Variants in TERB1 observed in about 807,000 individuals in gnomAD.
The protein encoded by TERB1 is telomere repeats-binding bouquet formation protein 1.
In TERB1, 63 loss-of-function variants were observed where a neutral mutation model predicts 92.3. The observed-to-expected ratio is 0.68, with a 90% CI of 0.56 to 0.84. The LOEUF (loss-of-function observed/expected upper bound fraction) is 0.84. TERB1 is among the 40% of genes least tolerant of loss of function. The probability of loss-of-function intolerance (pLI) is 0.00; values close to 1 mark genes in which losing one functional copy is unlikely to be tolerated. For missense variants in TERB1, 709 were observed against 843.7 expected (o/e 0.84, Z 1.98); for synonymous variants, 252 against 283.9 (o/e 0.89, Z 1.13).
chr16:66,790,334 G>A (rs2018808861), intron 5 of TERB1, among the ~76,000 whole-genome samples: 1 of 138,138 alleles, frequency 7.2e-6, no homozygotes, highest in Non-Finnish European at 1.5e-5. Flanking sequence ...GGGAAGGGAA[G>A]AGAAAAGAAA....
intron 9 of TERB1, among the ~76,000 whole-genome samples, chr16:66,780,895 T>C (rs1451861243): frequency 2.0e-5 from 3 of 152,230 alleles, no homozygotes; most frequent in Admixed American, 2.0e-4. Context: ...TTTCAAACAC[T>C]TGAATATAGA....
chr16:66,762,976 C>T (rs1433071246), intron 16 of TERB1, among the ~76,000 whole-genome samples: 3 of 152,132 alleles, frequency 2.0e-5, no homozygotes, highest in Non-Finnish European at 4.4e-5. Context: ...GCTACCACCA[C>T]ACCCGGCCAG....
intron 3 of TERB1, 105 bp from the exon 4 acceptor site, chr16:66,791,124 A>G (rs2018827252): frequency 1.8e-6 from 1 of 556,992 alleles, no homozygotes; most frequent in Non-Finnish European, 3.1e-6. Context: ...GTCAACTTTT[A>G]AAGTAATAGG....
chr16:66,776,759 G>A (rs577360198), intron 11 of TERB1, among the ~76,000 whole-genome samples: 2 of 152,118 alleles, frequency 1.3e-5, no homozygotes, highest in South Asian at 4.2e-4. Context: ...AGAGAGAGGA[G>A]ACAGTAATAG....
intron 11 of TERB1, among the ~76,000 whole-genome samples, chr16:66,776,571 G>A (rs1567471945): frequency 6.6e-6 from 1 of 151,892 alleles, no homozygotes; most frequent in African/African-American, 2.4e-5. Flanking sequence ...GAAGAAGCAA[G>A]AGAGAGCAAA....
At chr16:66,777,144 C>A (rs976255389) in intron 11 of TERB1, 59 bp downstream of exon 11, 157 of 1,335,714 alleles carry the variant, frequency 1.2e-4, no homozygotes, top group South Asian at 1.5e-4. Context: ...AAAAAAAAAA[C>A]AGAAGTATAT....
chr16:66,790,458 G>C (rs976033427), intron 5 of TERB1, 137 bp downstream of exon 5: 17 of 561,778 alleles, frequency 3.0e-5, no homozygotes, highest in Non-Finnish European at 4.7e-5. Context: ...AGGAAGGGAG[G>C]GGGGAAGGAG....
At chr16:66,798,847 AT>A (rs1490137595) in intron 2 of TERB1, among the ~76,000 whole-genome samples, 1 of 152,224 alleles carries the variant, frequency 6.6e-6, no homozygotes, top group Admixed American at 6.5e-5. Context: ...CCTTATGAAT[AT>A]TCTTTTTAGT....
chr16:66,794,947 AAT>A (rs2018905428), intron 3 of TERB1, among the ~76,000 whole-genome samples: 1 of 152,010 alleles, frequency 6.6e-6, no homozygotes, highest in African/African-American at 2.4e-5. Flanking sequence ...ACACACACAC[AAT>A]CAAATAAAAT....
intron 18 of TERB1, among the ~76,000 whole-genome samples, chr16:66,755,746 G>T (rs1416281762): frequency 6.6e-6 from 1 of 152,124 alleles, no homozygotes; most frequent in East Asian, 1.9e-4. Context: ...CTGCACTCCA[G>T]CCTGGGCGAC....
At chr16:66,791,749 A>T (rs1262955655) in intron 3 of TERB1, among the ~76,000 whole-genome samples, 11 of 152,148 alleles carry the variant, frequency 7.2e-5, no homozygotes. Context: ...CAAGAAGAAA[A>T]AGACAACTTG....
chr16:66,760,466 AAAAAG>A (rs1369613603), intron 16 of TERB1, among the ~76,000 whole-genome samples: 153 of 71,350 alleles, frequency 2.1e-3, no homozygotes, highest in Admixed American at 4.2e-3. Flanking sequence ...CAAAAAAAAA[AAAAAG>A]AAAAGAAAAG....
At position 66,786,036 on chromosome 16, in the gene TERB1, GACACACAGAGTACT is replaced by G; in HGVS notation, c.541_554del (p.Ser181LeufsTer8). On this transcript the variant is annotated frameshift_variant, in exon 8 of 19. Transcript: ENST00000433154. LOFTEE classifies it high-confidence loss of function. ...TACCATTTTGAGGATTGTTGACACA[GACACACAGAGTACT>G]ACACACTGAAGACCACAACTGATAA... 1 of 1,549,740 alleles carries G rather than the reference GACACACAGAGTACT, an allele frequency of 6.5e-7. No homozygotes were observed. Among genetic ancestry groups the G allele is most frequent in the Non-Finnish European group, 8.7e-7 (1 of 1,145,980 alleles).
intron 12 of TERB1, among the ~76,000 whole-genome samples, chr16:66,774,141 A>C (rs371350665): frequency 1.3e-5 from 2 of 150,174 alleles, no homozygotes; most frequent in East Asian, 3.9e-4. Flanking sequence ...TAGGCCTCCG[A>C]AAGTGCTGGG....
At chr16:66,792,541 T>C (rs1419498656) in intron 3 of TERB1, among the ~76,000 whole-genome samples, 1 of 152,236 alleles carries the variant, frequency 6.6e-6, no homozygotes, top group East Asian at 1.9e-4. Flanking sequence ...AGAAAGCTAC[T>C]AGAATCAGTG....
intron 3 of TERB1, among the ~76,000 whole-genome samples, chr16:66,792,855 A>C (rs2018858531): frequency 6.6e-6 from 1 of 152,132 alleles, no homozygotes; most frequent in Non-Finnish European, 1.5e-5. Flanking sequence ...GAAAAGCTAT[A>C]ATACAGATTT....
Position 66,767,485 on chromosome 16 carries a change from T to C in TERB1, c.1710A>G (p.Ile570Met), listed in dbSNP as rs768372529. 6.6e-7 allele frequency: 1 copy of C among 1,519,350 alleles called. No individual in the cohort carries two copies. Among genetic ancestry groups the C allele is most frequent in the South Asian group, 1.3e-5 (1 of 78,710 alleles). The allele number at this position is 1,519,350 out of a possible 1,614,324, so 94.1% of individuals were successfully genotyped here. The change falls in exon 16 of 19, where the codon ATA (isoleucine) becomes ATG (methionine). Residue 570 changes from isoleucine to methionine, a missense_variant. Transcript: ENST00000433154. ...GAAAACTGACTACTTCTTTATTTAT[T>C]ATATCTGAACATAATGTAAATGGAT... ...VTDPFTLCSD[I>M]INKEVVSFLA...
intron 8 of TERB1, 34 bp from the exon 9 acceptor site, chr16:66,785,942 T>C (rs1168716163): frequency 1.3e-5 from 20 of 1,530,828 alleles, no homozygotes; most frequent in Admixed American, 1.3e-4. Flanking sequence ...TGATTTAATA[T>C]GACAATTGGA....
chr16:66,769,172 G>A (rs1360722605), intron 14 of TERB1, among the ~76,000 whole-genome samples: 1 of 151,958 alleles, frequency 6.6e-6, no homozygotes, highest in Non-Finnish European at 1.5e-5. Flanking sequence ...AGAAAGAAGG[G>A]TATGGGTGGA....
Sources: gnomAD v4.1 joint callset for allele counts (sites outside exome capture counted in the v4.1 genomes callset) on GRCh38, gnomAD v4.1.1 for gene constraint, MANE v1.5 for transcripts, NCBI Gene and HGNC (gene_info 2026-07-23, HGNC 2026-07-21) for gene names.